Variants in CLHC1 observed in about 807,000 individuals in gnomAD.
CLHC1 encodes the protein clathrin heavy chain linker domain containing 1, also known as clathrin heavy chain linker domain-containing protein 1.
In CLHC1, 72 loss-of-function variants were observed where a neutral mutation model predicts 69.5. That is an observed-to-expected ratio of 1.04 (90% CI 0.86 to 1.26). The LOEUF is 1.26. Among genes scored for constraint, CLHC1 ranks in the 50% most tolerant of loss-of-function variants. The pLI is 0.00. For missense variants in CLHC1, 790 were observed against 679.3 expected (o/e 1.16, Z -1.81); for synonymous variants, 223 against 224.3 (o/e 0.99, Z 0.05).
intron 11 of CLHC1, among the ~76,000 whole-genome samples, chr2:55,178,777 T>C (rs1335960129): frequency 6.6e-6 from 1 of 152,124 alleles, no homozygotes; most frequent in Admixed American, 6.5e-5. Flanking sequence ...CGAAACATAA[T>C]TTGAACTCTG....
intron 4 of CLHC1, among the ~76,000 whole-genome samples, chr2:55,216,361 A>T (rs550589533): frequency 6.6e-6 from 1 of 152,110 alleles, no homozygotes; most frequent in African/African-American, 2.4e-5. Flanking sequence ...CACTGAAAAT[A>T]TAAGACTACT....
intron 9 of CLHC1, among the ~76,000 whole-genome samples, chr2:55,200,225 T>C (rs368129202): frequency 1.9e-5 from 1 of 52,932 alleles, no homozygotes; most frequent in Non-Finnish European, 3.3e-5. Context: ...AAGACTGTCT[T>C]AAAAAAAAAA....
intron 9 of CLHC1, among the ~76,000 whole-genome samples, chr2:55,187,259 A>G (rs1670502851): frequency 6.7e-6 from 1 of 149,150 alleles, no homozygotes; most frequent in Non-Finnish European, 1.5e-5. Context: ...AGCTTCGGCA[A>G]CAAGAGCAAA....
rs531309476 is a variant in CLHC1 at position 55,231,201 on chromosome 2, G to C, written c.-256+1022C>G. 2.0e-5 allele frequency among the ~76,000 whole-genome samples: 3 copies of C among 149,038 alleles called. 1 individual carries two copies. Among genetic ancestry groups the C allele is most frequent in the Admixed American group, 6.7e-5 (1 of 14,948 alleles). On this transcript the variant is annotated intron_variant, in intron 1 of 12. Transcript: ENST00000401408. ...GGAGGCGGAGTTTACAGTGAGCCGA[G>C]ACCGCGCCACTGCACTCCAGCCTGG...
In CLHC1 at chr2:55,228,469, CCATT is replaced by C. The variant is rs373692544; in HGVS notation, c.-255-269_-255-266del. ...GAGTTACATAAACCAACCAAGATTA[CCATT>C]CATTCATTCATTCATTCATATTAGA... On this transcript the variant is annotated intron_variant, in intron 1 of 12. Coordinates refer to ENST00000401408, the MANE Select transcript of CLHC1 (RefSeq NM_152385.4). Among the ~76,000 whole-genome samples the C allele has an allele frequency of 2.8e-3, 429 of 152,306 alleles. 2 individuals are homozygous for C. The highest frequency in any genetic ancestry group is 6.8e-3 in the Middle Eastern group (2 of 294).
At chr2:55,227,695 A>T (rs1674847575) in intron 2 of CLHC1, among the ~76,000 whole-genome samples, 1 of 134,024 alleles carries the variant, frequency 7.5e-6, no homozygotes, top group African/African-American at 2.7e-5. Flanking sequence ...AAAAAAAAGT[A>T]AAAGATAAAA....
At chr2:55,220,732 T>C (rs1350705570) in intron 3 of CLHC1, among the ~76,000 whole-genome samples, 1 of 152,176 alleles carries the variant, frequency 6.6e-6, no homozygotes, top group Non-Finnish European at 1.5e-5. Context: ...AAGATAAACA[T>C]GTTACAGTTA....
chr2:55,227,626 C>T (rs915730426), intron 2 of CLHC1, among the ~76,000 whole-genome samples: 23 of 144,930 alleles, frequency 1.6e-4, no homozygotes, highest in Admixed American at 3.6e-4. Context: ...TGCAGTGAGC[C>T]GAGATTGAGC....
chr2:55,184,301 T>C (rs1670211812), intron 9 of CLHC1, among the ~76,000 whole-genome samples: 1 of 151,846 alleles, frequency 6.6e-6, no homozygotes, highest in Admixed American at 6.6e-5. Flanking sequence ...GTGACAGAGT[T>C]TCACCAGTTG....
intron 10 of CLHC1, among the ~76,000 whole-genome samples, chr2:55,180,961 T>C (rs1669878960): frequency 6.6e-6 from 1 of 152,150 alleles, no homozygotes; most frequent in Admixed American, 6.5e-5. Context: ...GAAAATTAGA[T>C]TTCTACAGGA....
At chr2:55,183,490 C>G (rs1212416078) in intron 9 of CLHC1, among the ~76,000 whole-genome samples, 2 of 152,190 alleles carry the variant, frequency 1.3e-5, no homozygotes, top group South Asian at 4.1e-4. Flanking sequence ...TAGATCAAAG[C>G]TTGGTAAAAC....
chr2:55,204,233 G>A (rs764788850), intron 9 of CLHC1, among the ~76,000 whole-genome samples: 14 of 152,236 alleles, frequency 9.2e-5, no homozygotes, highest in Non-Finnish European at 1.3e-4. Flanking sequence ...GTGGTGAGCC[G>A]AGATCACGCC....
At chr2:55,223,421 G>A (rs569719621) in intron 2 of CLHC1, among the ~76,000 whole-genome samples, 2 of 152,134 alleles carry the variant, frequency 1.3e-5, no homozygotes, top group Non-Finnish European at 2.9e-5. Context: ...CATGGGCGGC[G>A]GCGGCCTGGC....
intron 9 of CLHC1, among the ~76,000 whole-genome samples, chr2:55,189,859 C>T (rs1670753057): frequency 6.6e-6 from 1 of 152,168 alleles, no homozygotes; most frequent in Non-Finnish European, 1.5e-5. Context: ...GAATGGCAAA[C>T]TTCATAATCC....
chr2:55,196,845 G>C (rs917307780), intron 9 of CLHC1, among the ~76,000 whole-genome samples: 1 of 152,308 alleles, frequency 6.6e-6, no homozygotes, highest in Admixed American at 6.5e-5. Context: ...TTGTCTTGCA[G>C]CTTAGGTACC....
At chr2:55,181,420 C>T (rs4671241) in intron 10 of CLHC1, 150 bp downstream of exon 10, 3 of 632,814 alleles carry the variant, frequency 4.7e-6, no homozygotes, top group Non-Finnish European at 7.9e-6. Flanking sequence ...TGAGCCACCA[C>T]ACCCGACCAC....
At chr2:55,190,381 T>G (rs918550633) in intron 9 of CLHC1, among the ~76,000 whole-genome samples, 4 of 152,032 alleles carry the variant, frequency 2.6e-5, no homozygotes, top group Non-Finnish European at 5.9e-5. Flanking sequence ...AATCAAAAAT[T>G]TAACTTGCAA....
At chr2:55,213,945 G>C (rs1673244446) in intron 4 of CLHC1, among the ~76,000 whole-genome samples, 1 of 152,034 alleles carries the variant, frequency 6.6e-6, no homozygotes, top group Admixed American at 6.6e-5. Context: ...GAGAGATTCT[G>C]GATAAATTGA....
chr2:55,206,170 G>C (rs113618314), intron 9 of CLHC1, 100 bp downstream of exon 9: 2 of 673,754 alleles, frequency 3.0e-6, no homozygotes, highest in Non-Finnish European at 5.1e-6. Flanking sequence ...TAGGGCTGGG[G>C]CCTAGATCTT....
Sources: allele counts gnomAD v4.1 joint callset (sites outside exome capture counted in the v4.1 genomes callset), GRCh38; gene constraint gnomAD v4.1.1; transcripts MANE v1.5; gene names NCBI Gene and HGNC (gene_info 2026-07-23, HGNC 2026-07-21).